Variants in TEX9 observed in about 807,000 individuals in gnomAD.
The protein encoded by TEX9 is testis expressed 9.
In TEX9, 74 loss-of-function variants were observed where a neutral mutation model predicts 59.6. The observed-to-expected ratio is 1.24, with a 90% CI of 1.03 to 1.51. The LOEUF (loss-of-function observed/expected upper bound fraction) is 1.51. Among genes scored for constraint, TEX9 ranks in the 40% most tolerant of loss-of-function variants. The probability of loss-of-function intolerance (pLI) is 0.00; values close to 1 mark genes in which losing one functional copy is unlikely to be tolerated. For synonymous variants in TEX9, 186 were observed against 152.2 expected (o/e 1.22, Z -1.64); for missense variants, 522 against 447.8 (o/e 1.17, Z -1.49).
At chr15:56,354,859 G>C (rs1225056174) in intron 1 of TEX9, among the ~76,000 whole-genome samples, 6 of 152,100 alleles carry the variant, frequency 3.9e-5, no homozygotes, top group Non-Finnish European at 8.8e-5. Flanking sequence ...TATGAAGAAG[G>C]GTGGACATGG....
intron 1 of TEX9, among the ~76,000 whole-genome samples, chr15:56,298,823 C>T (rs1163790113): frequency 6.6e-6 from 1 of 152,234 alleles, no homozygotes; most frequent in East Asian, 1.9e-4. Flanking sequence ...AAGTACTTAA[C>T]ACAGTGTCCA....
chr15:56,378,008 T>G (rs1319458004), intron 3 of TEX9, among the ~76,000 whole-genome samples: 2 of 152,184 alleles, frequency 1.3e-5, no homozygotes, highest in Non-Finnish European at 2.9e-5. Context: ...TCTGTTGATA[T>G]GATATATCAC....
At chr15:56,365,359 G>A (rs146280489), upstream of TEX9, 9,781 of 1,502,290 alleles carry the variant, frequency 6.5e-3, 41 homozygotes, top group Non-Finnish European at 7.7e-3. Context: ...GAGTGGGAAG[G>A]CGTAGGCGCC....
intron 2 of TEX9, among the ~76,000 whole-genome samples, chr15:56,368,395 T>A (rs532705424): frequency 6.6e-6 from 1 of 152,230 alleles, no homozygotes; most frequent in South Asian, 2.1e-4. Context: ...TCTCTACTTC[T>A]TTTCCTTTCT....
At chr15:56,303,577 C>T (rs1196415994) in intron 1 of TEX9, among the ~76,000 whole-genome samples, 2 of 151,968 alleles carry the variant, frequency 1.3e-5, no homozygotes, top group African/African-American at 4.8e-5. Context: ...TGAGTGCCTA[C>T]ATCAAAATAG....
chr15:56,453,520 GTC>G, the TEX9 span, among the ~76,000 whole-genome samples: 15 of 152,266 alleles, frequency 9.9e-5, no homozygotes, highest in South Asian at 1.4e-3. Context: ...AGGAAAAACT[GTC>G]TCTGTCTTTT....
chr15:56,329,371 A>G (rs1035965485), intron 1 of TEX9, among the ~76,000 whole-genome samples: 5 of 152,214 alleles, frequency 3.3e-5, no homozygotes, highest in Non-Finnish European at 7.3e-5. Context: ...TTCAATGCCC[A>G]GACACTGATG....
At chr15:56,342,618 A>C (rs1041023366) in intron 1 of TEX9, among the ~76,000 whole-genome samples, 1 of 152,202 alleles carries the variant, frequency 6.6e-6, no homozygotes, top group South Asian at 2.1e-4. Flanking sequence ...GGCCCAGTGC[A>C]GTGAGTCCCT....
At chr15:56,452,101 C>T in the TEX9 span, among the ~76,000 whole-genome samples, 1 of 152,180 alleles carries the variant, frequency 6.6e-6, no homozygotes, top group Non-Finnish European at 1.5e-5. Context: ...CCTATGTTCT[C>T]TCTTCTCTCC....
At chr15:56,446,835 G>A (rs764151912), downstream of TEX9, 4 of 1,586,408 alleles carry the variant, frequency 2.5e-6, no homozygotes, top group East Asian at 6.7e-5. Context: ...CCAGAAACAT[G>A]ATTACCATTT....
chr15:56,428,489 C>A, intron 12 of TEX9: 1 of 1,285,938 alleles, frequency 7.8e-7, no homozygotes, highest in South Asian at 1.3e-5. Flanking sequence ...TGATGGATAC[C>A]CATTTTACTT....
At chr15:56,450,389 A>G (rs1212505440), downstream of TEX9, among the ~76,000 whole-genome samples, 2 of 152,166 alleles carry the variant, frequency 1.3e-5, no homozygotes, top group Non-Finnish European at 2.9e-5. Context: ...CCAAAGAGAA[A>G]TGCTGCACCT....
intron 1 of TEX9, chr15:56,323,816 G>C (rs2045959792): frequency 4.6e-6 from 1 of 215,670 alleles, no homozygotes; most frequent in African/African-American, 2.3e-5. Context: ...GTAGTAGTTG[G>C]TTCTAGTGAC....
At chr15:56,443,461 T>C in intron 12 of TEX9, 1 of 1,592,768 alleles carries the variant, frequency 6.3e-7, no homozygotes, top group Non-Finnish European at 8.5e-7. Context: ...TTCAGCTTGT[T>C]CTTCCTGGTA....
At chr15:56,452,743 C>A in the TEX9 span, among the ~76,000 whole-genome samples, 3 of 152,120 alleles carry the variant, frequency 2.0e-5, no homozygotes, top group Non-Finnish European at 2.9e-5. Context: ...TGGTCTCGAT[C>A]TCCTGACCCT....
At chr15:56,335,214 G>A (rs2682026) in intron 1 of TEX9, among the ~76,000 whole-genome samples, 85,744 of 151,940 alleles carry the variant, frequency 0.56, 24,445 homozygotes, top group Non-Finnish European at 0.6. Flanking sequence ...GTTTATTGCA[G>A]CACTGTTTAC....
At chr15:56,366,435 A>G (rs1159154262) in intron 2 of TEX9, among the ~76,000 whole-genome samples, 1 of 152,222 alleles carries the variant, frequency 6.6e-6, no homozygotes, top group African/African-American at 2.4e-5. Flanking sequence ...ATCTCAGGAA[A>G]GAGACAGTCA....
chr15:56,430,962 A>T (rs955096703), intron 12 of TEX9, among the ~76,000 whole-genome samples: 1 of 152,136 alleles, frequency 6.6e-6, no homozygotes, highest in Non-Finnish European at 1.5e-5. Context: ...AGAGTTCAAG[A>T]CCAGCCTGGC....
At chr15:56,419,208 G>C (rs12901182) in intron 10 of TEX9, among the ~76,000 whole-genome samples, 46,013 of 151,400 alleles carry the variant, frequency 0.3, 7,975 homozygotes, top group Middle Eastern at 0.48. Flanking sequence ...TGCTATAATG[G>C]AGAAATACAA....
Sources: gnomAD v4.1 joint callset for allele counts (sites outside exome capture counted in the v4.1 genomes callset) on GRCh38, gnomAD v4.1.1 for gene constraint, MANE v1.5 for transcripts, NCBI Gene and HGNC (gene_info 2026-07-23, HGNC 2026-07-21) for gene names.